Variants in LARGE1 observed in about 807,000 individuals in gnomAD.
LARGE1 encodes the protein LARGE xylosyl- and glucuronyltransferase 1.
In LARGE1, 43 loss-of-function variants were observed where a neutral mutation model predicts 87.6. The observed-to-expected ratio is 0.49, with a 90% CI of 0.38 to 0.63. The LOEUF is 0.63. Among genes scored for constraint, LARGE1 ranks in the 30% least tolerant of loss-of-function variants. LARGE1 has a pLI of 0.00. For missense variants in LARGE1, 802 were observed against 1,000.2 expected (o/e 0.80, Z 2.67); for synonymous variants, 434 against 394.6 (o/e 1.10, Z -1.18).
chr22:33,375,335 T>C (rs2147052304), intron 9 of LARGE1, among the ~76,000 whole-genome samples: 1 of 152,302 alleles, frequency 6.6e-6, no homozygotes, highest in South Asian at 2.1e-4. Context: ...ATTCTTATTT[T>C]TTACGGTAAT....
At chr22:33,339,316 A>C (rs914106580) in intron 9 of LARGE1, among the ~76,000 whole-genome samples, 1 of 152,036 alleles carries the variant, frequency 6.6e-6, no homozygotes. Context: ...GGAGCATGAG[A>C]ACTCAAGTGC....
chr22:33,297,357 C>T (rs1569025353), intron 12 of LARGE1, among the ~76,000 whole-genome samples: 1 of 152,130 alleles, frequency 6.6e-6, no homozygotes, highest in Non-Finnish European at 1.5e-5. Flanking sequence ...ACCTGTAATC[C>T]CAGCACTTTG....
intron 6 of LARGE1, among the ~76,000 whole-genome samples, chr22:33,489,623 C>A (rs1259138990): frequency 6.6e-6 from 1 of 152,150 alleles, no homozygotes; most frequent in Non-Finnish European, 1.5e-5. Context: ...TTGTTTGCCA[C>A]CATGTAAGAT....
intron 13 of LARGE1, among the ~76,000 whole-genome samples, chr22:33,278,553 T>TCACACA (rs113415022): frequency 9.1e-4 from 136 of 148,774 alleles, no homozygotes; most frequent in African/African-American, 3.1e-3. Flanking sequence ...TCTCTCTCTC[T>TCACACA]CACACACACA....
intron 11 of LARGE1, among the ~76,000 whole-genome samples, chr22:33,254,325 CA>C (rs1927152056): frequency 6.6e-6 from 1 of 152,130 alleles, no homozygotes. Context: ...AAGCAGGGGA[CA>C]AAAACTAGGA....
intron 6 of LARGE1, among the ~76,000 whole-genome samples, chr22:33,522,691 C>T (rs768817888): frequency 1.3e-5 from 2 of 151,956 alleles, no homozygotes; most frequent in African/African-American, 2.4e-5. Flanking sequence ...ATTAGCTGGG[C>T]GTGGTGGCAT....
chr22:33,645,411 C>T (rs752639972), intron 3 of LARGE1, among the ~76,000 whole-genome samples: 127 of 152,082 alleles, frequency 8.4e-4, no homozygotes, highest in African/African-American at 2.9e-3. Context: ...TGAAACTGGA[C>T]CCCTTCCTTA....
chr22:33,343,323 T>C (rs555281659), intron 9 of LARGE1, among the ~76,000 whole-genome samples: 4 of 152,288 alleles, frequency 2.6e-5, no homozygotes, highest in East Asian at 3.9e-4. Context: ...TCTCACTATG[T>C]TGTCCAGGCT....
At chr22:33,790,903 A>C (rs2085801380) in intron 1 of LARGE1, among the ~76,000 whole-genome samples, 1 of 152,246 alleles carries the variant, frequency 6.6e-6, no homozygotes, top group Non-Finnish European at 1.5e-5. Context: ...CAGAAGTTTC[A>C]ATCCTTTTTT....
chr22:33,169,071 G>A (rs1175292835), intron 11 of LARGE1, among the ~76,000 whole-genome samples: 1 of 152,150 alleles, frequency 6.6e-6, no homozygotes, highest in Non-Finnish European at 1.5e-5. Flanking sequence ...TGCCTAGGAA[G>A]CAACCCAGAG....
intron 6 of LARGE1, among the ~76,000 whole-genome samples, chr22:33,497,122 G>A (rs1050339980): frequency 1.4e-5 from 2 of 145,172 alleles, no homozygotes; most frequent in African/African-American, 5.1e-5. Context: ...CACCCAGGAT[G>A]TGGAGTACAG....
chr22:33,570,562 C>T (rs1200823329), intron 5 of LARGE1, among the ~76,000 whole-genome samples: 1 of 146,064 alleles, frequency 6.8e-6, no homozygotes, highest in African/African-American at 2.5e-5. Flanking sequence ...GCAGGAGAAT[C>T]GCTTGAACCC....
intron 2 of LARGE1, among the ~76,000 whole-genome samples, chr22:33,715,831 T>C (rs1045899285): frequency 2.0e-5 from 3 of 152,174 alleles, no homozygotes; most frequent in Middle Eastern, 3.2e-3. Context: ...ACAGACATCA[T>C]TGAGCAAAGG....
chr22:33,557,398 G>C (rs766995945), intron 6 of LARGE1, among the ~76,000 whole-genome samples: 1 of 152,124 alleles, frequency 6.6e-6, no homozygotes, highest in Non-Finnish European at 1.5e-5. Flanking sequence ...GGCTGGTTAA[G>C]AGAGGCAGAG....
chr22:33,274,668 G>A lies in LARGE1; in HGVS notation c.2074-44C>T. On this transcript the variant is annotated intron_variant, in intron 14 of 14. Transcript: ENST00000397394. ...AGCGTGAGAACCCGCAAGAGCCGAG[G>A]GTCATGCATGATGAAGGCCCAAGCG... 3.2e-6 allele frequency: 5 copies of A among 1,561,166 alleles called. 1 individual carries two copies. The South Asian group carries it at 4.4e-5, about 14-fold the overall frequency.
chr22:33,415,117 G>C (rs1229115439), intron 7 of LARGE1, among the ~76,000 whole-genome samples: 1 of 152,238 alleles, frequency 6.6e-6, no homozygotes, highest in African/African-American at 2.4e-5. Flanking sequence ...TAAAGGGCAA[G>C]TCAGGAGGAG....
chr22:33,835,038 C>G (rs370024887), intron 1 of LARGE1, among the ~76,000 whole-genome samples: 21 of 152,178 alleles, frequency 1.4e-4, no homozygotes, highest in African/African-American at 4.8e-4. Context: ...TAACCATGTT[C>G]AGAGAAATGG....
At chr22:33,078,392 C>A in the LARGE1 span, among the ~76,000 whole-genome samples, 2,177 of 152,310 alleles carry the variant, frequency 0.014, 60 homozygotes, top group African/African-American at 0.05. Context: ...TGAGCACCTA[C>A]TATGTGCCAG....
chr22:33,803,818 C>T (rs1236448890), intron 1 of LARGE1, among the ~76,000 whole-genome samples: 1 of 152,176 alleles, frequency 6.6e-6, no homozygotes, highest in Non-Finnish European at 1.5e-5. Flanking sequence ...GTTAGGCAGG[C>T]ATCCAAAATT....
Sources: gnomAD v4.1 joint callset for allele counts (sites outside exome capture counted in the v4.1 genomes callset) on GRCh38, gnomAD v4.1.1 for gene constraint, MANE v1.5 for transcripts, NCBI Gene and HGNC (gene_info 2026-07-23, HGNC 2026-07-21) for gene names.